Variants in SLC24A3 observed in about 807,000 individuals in gnomAD.
SLC24A3 encodes sodium/potassium/calcium exchanger 3.
SLC24A3 carries 28 observed loss-of-function variants against 75.8 expected under a neutral mutation model. The observed-to-expected ratio is 0.37, with a 90% CI of 0.27 to 0.51. The LOEUF (loss-of-function observed/expected upper bound fraction) is 0.51. SLC24A3 is among the 20% of genes least tolerant of loss of function. SLC24A3 has a pLI of 0.94. For missense variants in SLC24A3, 663 were observed against 847.8 expected (o/e 0.78, Z 2.71); for synonymous variants, 372 against 334.1 (o/e 1.11, Z -1.24).
chr20:19,617,893 T>G (rs1334389924), intron 6 of SLC24A3, among the ~76,000 whole-genome samples: 1 of 152,218 alleles, frequency 6.6e-6, no homozygotes, highest in East Asian at 1.9e-4. Context: ...TGGGACTTTC[T>G]TTTTGATCTC....
intron 1 of SLC24A3, among the ~76,000 whole-genome samples, chr20:19,264,684 A>G (rs1964124): frequency 1 from 147,318 of 147,806 alleles, 73,417 homozygotes; most frequent in Middle Eastern, 1. Context: ...AGCCAAGATC[A>G]CGCCACTGCA....
chr20:19,626,941 G>A (rs1047973969), intron 6 of SLC24A3, among the ~76,000 whole-genome samples: 26 of 152,194 alleles, frequency 1.7e-4, no homozygotes, highest in Non-Finnish European at 1.6e-4. Flanking sequence ...TCTTAAGGGC[G>A]ACCTTGGACA....
At chr20:19,304,400 C>T (rs1248270932) in intron 2 of SLC24A3, among the ~76,000 whole-genome samples, 1 of 152,164 alleles carries the variant, frequency 6.6e-6, no homozygotes, top group Non-Finnish European at 1.5e-5. Context: ...ATTGCCGGAA[C>T]AAATTTACCA....
At chr20:19,575,254 C>CAAA (rs34789411) in intron 3 of SLC24A3, among the ~76,000 whole-genome samples, 9 of 72,620 alleles carry the variant, frequency 1.2e-4, no homozygotes, top group East Asian at 1.1e-3. Context: ...GAGACACTCT[C>CAAA]AAAAAAAAAA....
intron 2 of SLC24A3, among the ~76,000 whole-genome samples, chr20:19,402,535 A>G (rs572037221): frequency 1.3e-5 from 2 of 152,246 alleles, no homozygotes; most frequent in Non-Finnish European, 1.5e-5. Flanking sequence ...CAGCCCAGCA[A>G]TATTAAGCGG....
At chr20:19,366,875 C>T (rs527767209) in intron 2 of SLC24A3, among the ~76,000 whole-genome samples, 1 of 152,174 alleles carries the variant, frequency 6.6e-6, no homozygotes, top group South Asian at 2.1e-4. Context: ...GATCTGCATA[C>T]CCTGCACCTG....
At chr20:19,618,618 A>G (rs1433353980) in intron 6 of SLC24A3, among the ~76,000 whole-genome samples, 1 of 152,212 alleles carries the variant, frequency 6.6e-6, no homozygotes, top group Non-Finnish European at 1.5e-5. Flanking sequence ...CGTGACAACC[A>G]TGTACCAACT....
In SLC24A3 at chr20:19,646,850, TGC is replaced by T. The variant is rs1020051112; in HGVS notation, c.613-7210_613-7209del. Reference sequence around the variant, plus strand: ...TAAAAATTACAAAACTCTGTGTGTGTGCGTGTGTGTGTGTGTGTGTTTATGCT... The same window carrying T: ...TAAAAATTACAAAACTCTGTGTGTGTGTGTGTGTGTGTGTGTGTTTATGCT... On this transcript the variant is annotated intron_variant, in intron 6 of 16. Transcript: ENST00000328041. Among the ~76,000 whole-genome samples, 86 of 148,876 alleles carry T rather than the reference TGC, an allele frequency of 5.8e-4. 2 individuals are homozygous for T. The highest frequency in any genetic ancestry group is 1.4e-3 in the African/African-American group (58 of 40,546).
At chr20:19,490,877 G>A (rs1307719661) in intron 2 of SLC24A3, among the ~76,000 whole-genome samples, 2 of 152,170 alleles carry the variant, frequency 1.3e-5, no homozygotes, top group African/African-American at 4.8e-5. Flanking sequence ...TGAATGGCTG[G>A]CTTGCAGGAA....
At chr20:19,442,101 A>G (rs1230639414) in intron 2 of SLC24A3, among the ~76,000 whole-genome samples, 1 of 152,180 alleles carries the variant, frequency 6.6e-6, no homozygotes, top group African/African-American at 2.4e-5. Context: ...TTATTCATTC[A>G]CCTACTGAAG....
chr20:19,289,283 A>T (rs1983884724), intron 2 of SLC24A3, among the ~76,000 whole-genome samples: 1 of 152,124 alleles, frequency 6.6e-6, no homozygotes, highest in Admixed American at 6.5e-5. Context: ...GTAAAAGTTT[A>T]CCCCCTAAAA....
intron 2 of SLC24A3, among the ~76,000 whole-genome samples, chr20:19,351,787 T>C (rs955841612): frequency 1.3e-5 from 2 of 152,166 alleles, no homozygotes; most frequent in Non-Finnish European, 2.9e-5. Context: ...AGAGACTCCA[T>C]GGGTTTGATC....
chr20:19,581,654 A>G (rs1276997506), intron 4 of SLC24A3, among the ~76,000 whole-genome samples: 1 of 152,208 alleles, frequency 6.6e-6, no homozygotes, highest in Non-Finnish European at 1.5e-5. Context: ...CCTGTCTTTA[A>G]TCATCTCAAG....
chr20:19,683,742 G>A (rs1220553763), intron 10 of SLC24A3, among the ~76,000 whole-genome samples: 2 of 152,192 alleles, frequency 1.3e-5, no homozygotes, highest in Admixed American at 1.3e-4. Flanking sequence ...AGGACAAGGA[G>A]GAATTCTCTT....
At chr20:19,353,193 C>T (rs1362336570) in intron 2 of SLC24A3, among the ~76,000 whole-genome samples, 2 of 152,144 alleles carry the variant, frequency 1.3e-5, no homozygotes, top group Non-Finnish European at 2.9e-5. Context: ...TTTCAGAACA[C>T]GTCTTCATCA....
At chr20:19,678,441 C>A (rs1359023333) in intron 9 of SLC24A3, among the ~76,000 whole-genome samples, 1 of 134,356 alleles carries the variant, frequency 7.4e-6, no homozygotes, top group Non-Finnish European at 1.6e-5. Context: ...ACCTCCCGGA[C>A]GGGGCGGCTG....
intron 2 of SLC24A3, among the ~76,000 whole-genome samples, chr20:19,369,833 T>A (rs1276589801): frequency 1.3e-5 from 2 of 152,168 alleles, no homozygotes; most frequent in African/African-American, 4.8e-5. Context: ...CTGTGTCTTT[T>A]TAAAATTTTT....
intron 2 of SLC24A3, among the ~76,000 whole-genome samples, chr20:19,319,795 C>T (rs1388482912): frequency 6.6e-6 from 1 of 152,142 alleles, no homozygotes; most frequent in Non-Finnish European, 1.5e-5. Flanking sequence ...CCAGCTGGTA[C>T]AGAGCATCTT....
intron 2 of SLC24A3, among the ~76,000 whole-genome samples, chr20:19,420,545 A>G (rs1222589954): frequency 6.8e-6 from 1 of 146,888 alleles, no homozygotes; most frequent in East Asian, 2.1e-4. Flanking sequence ...ATGATATTCC[A>G]TGCTCATGGG....
Sources: allele counts gnomAD v4.1 joint callset (sites outside exome capture counted in the v4.1 genomes callset), GRCh38; gene constraint gnomAD v4.1.1; transcripts MANE v1.5; gene names NCBI Gene and HGNC (gene_info 2026-07-23, HGNC 2026-07-21).